BRCA2: variants seen among roughly 807,000 people sequenced by gnomAD.
The protein encoded by BRCA2 is BRCA2 DNA repair associated.
Under a neutral mutation model 276.7 loss-of-function variants are expected in BRCA2, and 203 were observed. The observed-to-expected ratio is 0.73, with a 90% CI of 0.65 to 0.82. BRCA2 has a LOEUF of 0.82. Ranked by LOEUF, BRCA2 falls within the 40% of genes least tolerant of loss-of-function variation. BRCA2 has a pLI of 0.00. For synonymous variants in BRCA2, 1,289 were observed against 1,338.4 expected (o/e 0.96, Z 0.81); for missense variants, 3,920 against 3,915.0 (o/e 1.00, Z -0.03).
Position 32,340,001 on chromosome 13 carries a change from A to G in BRCA2, c.5646A>G (p.Ser1882=), listed in dbSNP as rs755703024. Residue 1882 remains serine, a synonymous_variant, in exon 11 of 27, where the codon TCA becomes TCG. Transcript: ENST00000380152. ...KVIKENNENK[S]KICQTKIMAG... ...TTAAGGAAAACAACGAGAATAAATC[A>G]AAAATTTGCCAAACGAAAATTATGG... 6 of 1,612,824 alleles carry G rather than the reference A, an allele frequency of 3.7e-6. No homozygotes were observed. Among genetic ancestry groups the G allele is most frequent in the Non-Finnish European group, 3.4e-6 (4 of 1,179,624 alleles).
intron 8 of BRCA2, 49 bp from the exon 9 acceptor site, chr13:32,330,870 G>A (rs2072383895): frequency 1.8e-6 from 2 of 1,100,412 alleles, no homozygotes; most frequent in Non-Finnish European, 2.8e-6. Flanking sequence ...ACTACTATAT[G>A]TGCATTGAGA....
In BRCA2 at chr13:32,319,771, A is replaced by G. The variant is rs74044998; in HGVS notation, c.316+446A>G. ...AAGCAATTATGTAATAAGATTATAT[A>G]TTCAGTCATTCAAATAATTATTACC... On this transcript the variant is annotated intron_variant, in intron 3 of 26. Transcript: ENST00000380152. Among the ~76,000 whole-genome samples, 1,101 of 152,340 alleles carry G rather than the reference A, an allele frequency of 7.2e-3. 16 individuals are homozygous for G. Among genetic ancestry groups the G allele is most frequent in the African/African-American group, 0.025 (1,045 of 41,586 alleles).
chr13:32,343,222 T>C (rs2072585490), intron 11 of BRCA2, among the ~76,000 whole-genome samples: 1 of 152,216 alleles, frequency 6.6e-6, no homozygotes, highest in Non-Finnish European at 1.5e-5. Flanking sequence ...TGTGTTTTTT[T>C]CTATTAGTGT....
chr13:32,388,070 G>T (rs965973740), intron 24 of BRCA2, among the ~76,000 whole-genome samples: 3 of 151,304 alleles, frequency 2.0e-5, no homozygotes, highest in African/African-American at 7.3e-5. Flanking sequence ...CTCCGCACAC[G>T]AGAACACCCG....
rs1555280834 is a variant in BRCA2 at position 32,325,054 on chromosome 13, CTGAATTAT to C, written c.317-19_317-12del. ...ATAATCCAGAGTATATACATTCTCACTGAATTATTGTACTGTTTCAGGAAGGAATGTTC... is the reference window on the plus strand; with the variant it reads ...ATAATCCAGAGTATATACATTCTCACTGTACTGTTTCAGGAAGGAATGTTC... On this transcript the variant is annotated splice_polypyrimidine_tract_variant and intron_variant, in intron 3 of 26. Transcript: ENST00000380152. 3.4e-6 allele frequency: 5 copies of C among 1,481,568 alleles called. No individual in the cohort carries two copies. The highest frequency in any genetic ancestry group is 4.7e-6 in the Non-Finnish European group (5 of 1,060,762). 91.8% of individuals were successfully genotyped at this position (1,481,568 alleles called of 1,614,324 possible).
rs11571779 is a variant in BRCA2 at position 32,382,482 on chromosome 13, G to A, written c.9256+2337G>A. The stretch of plus-strand genomic sequence containing the variant: ...AAGCCAAGAGAAAAAAAGAATTGTC[G>A]AGTAGTGAGAGTGATTAAGTCTGCC... On this transcript the variant is annotated intron_variant, in intron 24 of 26. Transcript: ENST00000380152. Among the ~76,000 whole-genome samples the A allele has an allele frequency of 3.5e-3, 539 of 152,332 alleles. 2 individuals carry two copies. The highest frequency in any genetic ancestry group is 0.013 in the African/African-American group (526 of 41,580).
intron 24 of BRCA2, among the ~76,000 whole-genome samples, chr13:32,392,193 T>G (rs542293099): frequency 6.6e-6 from 1 of 152,288 alleles, no homozygotes; most frequent in South Asian, 2.1e-4. Flanking sequence ...AATAAACAAA[T>G]CCTTATCTGA....
chr13:32,352,978 C>T (rs565200539), intron 13 of BRCA2, among the ~76,000 whole-genome samples: 2 of 152,204 alleles, frequency 1.3e-5, no homozygotes, highest in South Asian at 4.2e-4. Context: ...TAAAAATATT[C>T]TGAATATTTA....
chr13:32,330,092 T>C (rs569897600), intron 8 of BRCA2, among the ~76,000 whole-genome samples: 1 of 152,226 alleles, frequency 6.6e-6, no homozygotes, highest in Non-Finnish European at 1.5e-5. Flanking sequence ...CAACCATCCC[T>C]TACTTGCAGT....
At chr13:32,396,716 TA>T in intron 25 of BRCA2, 181 bp from the exon 26 acceptor site, 1 of 689,148 alleles carries the variant, frequency 1.5e-6, no homozygotes, top group South Asian at 1.8e-5. Flanking sequence ...TAGATTCCCC[TA>T]AATCACTGAT....
In BRCA2 at chr13:32,339,946, A is replaced by G. The variant is rs786202808; in HGVS notation, c.5591A>G (p.Asp1864Gly). Reference sequence around the variant, plus strand: ...CATGAAACAATTAAAAAAGTGAAAGACATATTTACAGACAGTTTCAGTAAA... The same window carrying G: ...CATGAAACAATTAAAAAAGTGAAAGGCATATTTACAGACAGTTTCAGTAAA... Reference protein sequence around the residue: ...VSHETIKKVKDIFTDSFSKVI... With the variant: ...VSHETIKKVKGIFTDSFSKVI... The change falls in exon 11 of 27, where the codon GAC (aspartate) becomes GGC (glycine). Residue 1864 changes from aspartate to glycine, a missense_variant. Around this residue, in one of 2 missense-constraint regions of BRCA2, gnomAD observed 3,263 missense variants for 3,156.9 expected, o/e 1.03. Coordinates refer to ENST00000380152, the MANE Select transcript of BRCA2 (RefSeq NM_000059.4). 6.2e-7 allele frequency: 1 copy of G among 1,607,046 alleles called. No homozygotes were observed. The highest frequency in any genetic ancestry group is 8.5e-7 in the Non-Finnish European group (1 of 1,176,652).
At chr13:32,367,488 G>T (rs1211446173) in intron 18 of BRCA2, among the ~76,000 whole-genome samples, 1 of 151,318 alleles carries the variant, frequency 6.6e-6, no homozygotes, top group East Asian at 2.0e-4. Flanking sequence ...CATAACAAAT[G>T]ATAACTTCTA....
intron 16 of BRCA2, among the ~76,000 whole-genome samples, chr13:32,359,095 G>A (rs544755507): frequency 1.3e-5 from 2 of 151,716 alleles, no homozygotes; most frequent in East Asian, 1.9e-4. Context: ...GGTGGCACGC[G>A]CCTGCAATCC....
rs1801426 is a variant in BRCA2, at chr13:32,398,747, A to G, written c.10234A>G (p.Ile3412Val). ...EECEKNKQDT[I>V]TTKKYI ...ATGTGAGAAAAATAAGCAGGACACAATTACAACTAAAAAATATATCTAAGC... is the reference window on the plus strand; with the variant it reads ...ATGTGAGAAAAATAAGCAGGACACAGTTACAACTAAAAAATATATCTAAGC... The change falls in exon 27 of 27, where the codon ATT (isoleucine) becomes GTT (valine). Residue 3412 changes from isoleucine to valine, a missense_variant. Coordinates refer to ENST00000380152, the MANE Select transcript of BRCA2 (RefSeq NM_000059.4). 16,520 of 1,613,938 alleles carry G rather than the reference A, an allele frequency of 0.01. 726 individuals carry two copies. The African/African-American group carries it at 0.11, about 11-fold the overall frequency.
rs2072416877 is a variant in BRCA2, at chr13:32,333,058, C to G, written c.1580C>G (p.Pro527Arg). Reference protein sequence around the residue: ...NASFSGHMTDPNFKKETEASE... With the variant: ...NASFSGHMTDRNFKKETEASE... ...AGTTTTTCAGGTCATATGACTGATC[C>G]AAACTTTAAAAAAGAAACTGAAGCC... is the stretch of plus-strand genomic sequence containing the variant. Residue 527 changes from proline to arginine, a missense_variant, in exon 10 of 27, where the codon CCA becomes CGA. Physicochemically the swap from Pro to Arg is moderately radical, Grantham distance 103 (BLOSUM62 -2). This residue lies in a region of BRCA2 where 3,263 missense variants were observed against 3,156.9 expected (regional missense o/e 1.03). Transcript: ENST00000380152. 6.2e-7 allele frequency: 1 copy of G among 1,609,660 alleles called. No homozygotes were observed.
intron 21 of BRCA2, among the ~76,000 whole-genome samples, chr13:32,378,877 G>T (rs1011721473): frequency 6.6e-6 from 1 of 152,100 alleles, no homozygotes; most frequent in African/African-American, 2.4e-5. Context: ...AGGGTTCTAG[G>T]GCCAACCTCT....
In BRCA2 at chr13:32,379,450, C is replaced by G. The variant is rs886040798; in HGVS notation, c.8888C>G (p.Ser2963Ter). 1 of 1,613,296 alleles carries G rather than the reference C, an allele frequency of 6.2e-7. No individual in the cohort carries two copies. The highest frequency in any genetic ancestry group is 8.5e-7 in the Non-Finnish European group (1 of 1,179,784). ...GCTGAACAAAAGGAACAAGGTTTAT[C>G]AAGGGATGTCACAACCGTGTGGAAG... ...ESAEQKEQGLSRDVTTVWKLR... is the reference protein window; with the variant it reads ...ESAEQKEQGL The change falls in exon 22 of 27, where the codon TCA becomes TGA. Residue 2963 changes from serine (S) to a stop codon, truncating the protein, a stop_gained. Coordinates refer to ENST00000380152, the MANE Select transcript of BRCA2 (RefSeq NM_000059.4). LOFTEE classifies it high-confidence loss of function.
intron 2 of BRCA2, among the ~76,000 whole-genome samples, chr13:32,317,042 A>G (rs140073188): frequency 1.3e-5 from 2 of 152,274 alleles, no homozygotes; most frequent in East Asian, 3.9e-4. Flanking sequence ...TACTAAAAAT[A>G]CAAAAAATGT....
chr13:32,323,321 T>G lies in BRCA2; in HGVS notation c.317-1755T>G, dbSNP rs553889052. 8.5e-5 allele frequency among the ~76,000 whole-genome samples: 13 copies of G among 152,092 alleles called. No homozygotes were observed. The South Asian group carries it at 2.7e-3, about 32-fold the overall frequency. On this transcript the variant is annotated intron_variant, in intron 3 of 26. Transcript: ENST00000380152. The stretch of plus-strand genomic sequence containing the variant: ...GCACCCGCCACCACACCTGGCTGAT[T>G]TTTTTGTATTTTTAGTAGAGACGGG...
Sources: allele counts gnomAD v4.1 joint callset (sites outside exome capture counted in the v4.1 genomes callset), GRCh38; gene constraint gnomAD v4.1.1; regional missense constraint gnomAD v4.1.1; transcripts MANE v1.5; gene names NCBI Gene and HGNC (gene_info 2026-07-23, HGNC 2026-07-21).